Variants in UBE2U observed in about 807,000 individuals in gnomAD.
UBE2U encodes ubiquitin-conjugating enzyme E2 U.
A neutral mutation model predicts 41.2 loss-of-function variants in UBE2U; 39 were observed. The observed-to-expected ratio is 0.95, with a 90% confidence interval of 0.73 to 1.24. The LOEUF is 1.24. UBE2U is among the 50% of genes most tolerant of loss of function. UBE2U has a pLI of 0.00. For synonymous variants in UBE2U, 107 were observed against 117.8 expected (o/e 0.91, Z 0.60); for missense variants, 336 against 363.1 (o/e 0.93, Z 0.61).
chr1:64,244,318 TA>T, intron 8 of UBE2U: 1 of 979,976 alleles, frequency 1.0e-6, no homozygotes, highest in Non-Finnish European at 1.3e-6. Context: ...TCATTCGAGA[TA>T]TAAATAAAAA....
At chr1:64,237,641 A>G (rs11580076) in intron 7 of UBE2U, among the ~76,000 whole-genome samples, 25,648 of 152,162 alleles carry the variant, frequency 0.17, 2,527 homozygotes, top group East Asian at 0.42. Flanking sequence ...TAAGCTCTTC[A>G]AGGAGTTTAC....
In UBE2U at chr1:64,203,958, T is replaced by C; in HGVS notation, c.-93T>C. Reference sequence around the variant, plus strand: ...AAGCAAGTAACTTATATCAGTTTACTAAGTGTGGGAAAGTGACCCATAACT... The same window carrying C: ...AAGCAAGTAACTTATATCAGTTTACCAAGTGTGGGAAAGTGACCCATAACT... On this transcript the variant is annotated 5_prime_UTR_variant, in exon 1 of 10. Coordinates refer to ENST00000371077, the MANE Select transcript of UBE2U (RefSeq NM_001366232.2). The C allele has an allele frequency of 9.1e-7, 1 of 1,095,792 alleles. No homozygotes were observed. Among genetic ancestry groups the C allele is most frequent in the East Asian group, 2.5e-5 (1 of 40,516 alleles). The allele number at this position is 1,095,792 out of a possible 1,614,324, so 67.9% of individuals were successfully genotyped here.
At chr1:64,205,765 A>G (rs1038110730) in intron 2 of UBE2U, 45 bp downstream of exon 2, 5 of 1,502,926 alleles carry the variant, frequency 3.3e-6, no homozygotes, top group Admixed American at 1.7e-5. Flanking sequence ...AAGTCTTTAT[A>G]CCATTATTAG....
chr1:64,213,906 C>A lies in UBE2U; in HGVS notation c.340-909C>A, dbSNP rs1030878053. ...CTATACAACATGTTACTGTACTAAA[C>A]ACTATAGGCCATTGTAACACAATGG... On this transcript the variant is annotated intron_variant, in intron 4 of 9. Coordinates refer to ENST00000371077, the MANE Select transcript of UBE2U (RefSeq NM_001366232.2). Among the ~76,000 whole-genome samples the A allele has an allele frequency of 7.9e-5, 12 of 152,092 alleles. No homozygotes were observed. The South Asian group carries it at 2.5e-3, about 32-fold the overall frequency.
At chr1:64,216,680 G>A (rs1338155575) in intron 5 of UBE2U, among the ~76,000 whole-genome samples, 1 of 152,228 alleles carries the variant, frequency 6.6e-6, no homozygotes, top group Non-Finnish European at 1.5e-5. Context: ...ATTGTCCTAA[G>A]TCTAAGCCTG....
intron 4 of UBE2U, among the ~76,000 whole-genome samples, chr1:64,212,199 A>G (rs1233989260): frequency 2.6e-5 from 4 of 152,220 alleles, no homozygotes; most frequent in Admixed American, 6.5e-5. Flanking sequence ...TGTGATATGC[A>G]GAAATCTGGG....
intron 5 of UBE2U, chr1:64,215,596 T>A (rs1423167349): frequency 1.3e-5 from 2 of 152,260 alleles, no homozygotes; most frequent in African/African-American, 2.4e-5. Context: ...GTACTCCAGA[T>A]CTTACTGATT....
rs370179738 is a variant in UBE2U at position 64,254,333 on chromosome 1, C to T, written c.678-6270C>T. On this transcript the variant is annotated intron_variant, in intron 8 of 9. Transcript: ENST00000371077. Reference sequence around the variant, plus strand: ...GTGGGAGACTTTAACACCCCACTGGCAATATTAGACATATCATCAAGACAG... The same window carrying T: ...GTGGGAGACTTTAACACCCCACTGGTAATATTAGACATATCATCAAGACAG... Among the ~76,000 whole-genome samples the T allele has an allele frequency of 5.9e-5, 9 of 152,252 alleles. No homozygotes were observed. In the East Asian group the frequency reaches 7.7e-4, roughly 13 times the overall value.
intron 7 of UBE2U, among the ~76,000 whole-genome samples, chr1:64,239,107 A>C (rs1482491968): frequency 1.8e-4 from 2 of 11,058 alleles, no homozygotes; most frequent in African/African-American, 1.5e-3. Flanking sequence ...AAGAAGAAGA[A>C]GAAGAAGAAG....
intron 6 of UBE2U, among the ~76,000 whole-genome samples, chr1:64,230,146 C>T (rs1325467592): frequency 1.3e-5 from 2 of 152,176 alleles, no homozygotes; most frequent in Non-Finnish European, 2.9e-5. Context: ...CTCATCTCCT[C>T]CCTTTCATAA....
chr1:64,213,253 TAA>T (rs1168202764), intron 4 of UBE2U, among the ~76,000 whole-genome samples: 1 of 151,772 alleles, frequency 6.6e-6, no homozygotes, highest in Admixed American at 6.6e-5. Flanking sequence ...TCAATTCAGA[TAA>T]AAAAAACATT....
At position 64,236,531 on chromosome 1, in the gene UBE2U, A is replaced by C. The variant is rs114070592; in HGVS notation, c.595+3882A>C. On this transcript the variant is annotated intron_variant, in intron 7 of 9. Coordinates refer to ENST00000371077, the MANE Select transcript of UBE2U (RefSeq NM_001366232.2). ...GCAAGTAAAAGGTTTGGCAGAGAAC[A>C]AACCAATACATATATATGGTTGTGG... Among the ~76,000 whole-genome samples, 702 of 152,352 alleles carry C rather than the reference A, an allele frequency of 4.6e-3. 4 individuals are homozygous for C. The highest frequency in any genetic ancestry group is 0.016 in the African/African-American group (679 of 41,592).
intron 6 of UBE2U, among the ~76,000 whole-genome samples, chr1:64,222,922 A>T (rs924626777): frequency 6.6e-6 from 1 of 152,204 alleles, no homozygotes; most frequent in African/African-American, 2.4e-5. Context: ...GGTCTATTCA[A>T]CTGGGTACAG....
At chr1:64,262,567 C>G (rs1302386460) in intron 9 of UBE2U, among the ~76,000 whole-genome samples, 1 of 152,172 alleles carries the variant, frequency 6.6e-6, no homozygotes, top group Non-Finnish European at 1.5e-5. Flanking sequence ...GGAGGCCTCC[C>G]TCAGCTGCTG....
intron 6 of UBE2U, among the ~76,000 whole-genome samples, chr1:64,226,481 G>A (rs1652873524): frequency 6.6e-6 from 1 of 152,118 alleles, no homozygotes; most frequent in African/African-American, 2.4e-5. Flanking sequence ...TCATCAATCT[G>A]TACACTTAAA....
intron 1 of UBE2U, among the ~76,000 whole-genome samples, chr1:64,204,667 A>G (rs939044067): frequency 1.3e-5 from 2 of 152,186 alleles, no homozygotes; most frequent in African/African-American, 4.8e-5. Context: ...AACGCCACCA[A>G]TGAGGTTATC....
At chr1:64,252,714 A>AAAC (rs899966033) in intron 8 of UBE2U, among the ~76,000 whole-genome samples, 14 of 152,270 alleles carry the variant, frequency 9.2e-5, no homozygotes, top group South Asian at 6.2e-4. Context: ...AACAAACAGA[A>AAAC]AACAACAACA....
At chr1:64,205,111 C>T (rs776825269) in intron 1 of UBE2U, among the ~76,000 whole-genome samples, 10 of 152,262 alleles carry the variant, frequency 6.6e-5, no homozygotes, top group Middle Eastern at 3.4e-3. Context: ...TGTTACTTAA[C>T]GTAATTCATA....
intron 9 of UBE2U, among the ~76,000 whole-genome samples, chr1:64,265,740 G>A (rs920835814): frequency 7.2e-5 from 11 of 152,108 alleles, no homozygotes; most frequent in South Asian, 2.1e-4. Flanking sequence ...CACCACACCC[G>A]GCTAATTTTT....
Sources: allele counts gnomAD v4.1 joint callset (sites outside exome capture counted in the v4.1 genomes callset), GRCh38; gene constraint gnomAD v4.1.1; transcripts MANE v1.5; gene names NCBI Gene and HGNC (gene_info 2026-07-23, HGNC 2026-07-21).